The following SEC24A variants were observed in gnomAD, a reference collection of about 807,000 sequenced individuals.
SEC24A encodes the protein protein transport protein Sec24A.
A neutral mutation model predicts 129.4 loss-of-function variants in SEC24A; 93 were observed. That is an observed-to-expected ratio of 0.72 (90% CI 0.61 to 0.85). The LOEUF is 0.85. Among genes scored for constraint, SEC24A ranks in the 40% least tolerant of loss-of-function variants. SEC24A has a pLI of 0.00. For missense variants in SEC24A, 1,264 were observed against 1,307.4 expected (o/e 0.97, Z 0.51); for synonymous variants, 460 against 467.3 (o/e 0.98, Z 0.20).
chr5:134,655,181 C>T (rs1181677934), intron 1 of SEC24A, among the ~76,000 whole-genome samples: 1 of 152,070 alleles, frequency 6.6e-6, no homozygotes, highest in African/African-American at 2.4e-5. Flanking sequence ...CCTTTTGAAT[C>T]CTATGAAATA....
chr5:134,691,712 C>T (rs527367653), intron 11 of SEC24A, among the ~76,000 whole-genome samples: 2 of 152,082 alleles, frequency 1.3e-5, no homozygotes, highest in Admixed American at 6.6e-5. Context: ...CCACATTGCT[C>T]CTGACCTTGT....
chr5:134,708,939 C>A, intron 18 of SEC24A, 51 bp downstream of exon 18: 1 of 1,540,910 alleles, frequency 6.5e-7, no homozygotes, highest in South Asian at 1.2e-5. Context: ...GGCACTGTGG[C>A]CTACACCTGC....
chr5:134,655,762 T>A (rs969344650), intron 1 of SEC24A, among the ~76,000 whole-genome samples: 3 of 152,168 alleles, frequency 2.0e-5, no homozygotes, highest in Non-Finnish European at 2.9e-5. Flanking sequence ...CTGCATTTGA[T>A]ACCTTTGGCT....
At chr5:134,705,068 A>G (rs1040763753) in intron 16 of SEC24A, among the ~76,000 whole-genome samples, 3 of 123,596 alleles carry the variant, frequency 2.4e-5, no homozygotes, top group African/African-American at 9.2e-5. Context: ...TTATATTTAT[A>G]TTTATATATA....
chr5:134,692,803 C>T (rs756714732), intron 12 of SEC24A, 146 bp downstream of exon 12: 25 of 715,728 alleles, frequency 3.5e-5, no homozygotes, highest in Non-Finnish European at 5.9e-5. Context: ...ATTAGATGAA[C>T]AGCTCTTGAG....
chr5:134,652,952 AC>A, intron 1 of SEC24A, among the ~76,000 whole-genome samples: 1 of 147,288 alleles, frequency 6.8e-6, no homozygotes, highest in South Asian at 2.1e-4. Context: ...CCGCCACCAC[AC>A]CCGGCTAATT....
At chr5:134,693,026 C>G (rs1751709269) in intron 12 of SEC24A, 1 of 1,535,512 alleles carries the variant, frequency 6.5e-7, no homozygotes, top group African/African-American at 1.4e-5. Context: ...TTTTCTGATT[C>G]ACAGAGTGTC....
At position 134,726,451 on chromosome 5, in the gene SEC24A, T is replaced by C. The variant is rs1358716519; in HGVS notation, c.*1357T>C. The C allele has an allele frequency of 6.6e-6, 1 of 152,602 alleles. No homozygotes were observed. Among genetic ancestry groups the C allele is most frequent in the Non-Finnish European group, 1.5e-5 (1 of 67,992 alleles). The allele number at this position is 152,602 out of a possible 1,614,324, so 9.5% of individuals were successfully genotyped here. On this transcript the variant is annotated 3_prime_UTR_variant, in exon 23 of 23. Transcript: ENST00000398844. ...GAAAATGTTTACAATCTTGGTCTTA[T>C]ATGATCACCAATGGAATAGTAACTT...
At chr5:134,682,339 T>C in intron 8 of SEC24A, 34 bp from the exon 9 acceptor site, 1 of 1,143,684 alleles carries the variant, frequency 8.7e-7, no homozygotes, top group Non-Finnish European at 1.3e-6. Flanking sequence ...TTCTTTTCAG[T>C]TTTTTCAATA....
chr5:134,682,103 C>T (rs754356665), intron 8 of SEC24A, among the ~76,000 whole-genome samples: 1 of 151,868 alleles, frequency 6.6e-6, no homozygotes, highest in South Asian at 2.1e-4. Flanking sequence ...ATTAGCCGGG[C>T]GTGGTGGCGC....
At chr5:134,723,882 A>T (rs1752689762) in intron 22 of SEC24A, among the ~76,000 whole-genome samples, 1 of 152,236 alleles carries the variant, frequency 6.6e-6, no homozygotes, top group African/African-American at 2.4e-5. Flanking sequence ...GGGTACACTA[A>T]TTTATTGATA....
At chr5:134,709,219 CAA>C (rs150225547) in intron 18 of SEC24A, among the ~76,000 whole-genome samples, 2 of 151,754 alleles carry the variant, frequency 1.3e-5, no homozygotes, top group Non-Finnish European at 2.9e-5. Context: ...TCAAAATAAA[CAA>C]AAAGAAAGAA....
At chr5:134,683,491 T>C (rs1730331593) in intron 9 of SEC24A, among the ~76,000 whole-genome samples, 1 of 152,176 alleles carries the variant, frequency 6.6e-6, no homozygotes. Flanking sequence ...TAAAACTAAT[T>C]ACTATGCCTA....
At chr5:134,707,175 A>G (rs1157672795) in intron 17 of SEC24A, among the ~76,000 whole-genome samples, 1 of 152,132 alleles carries the variant, frequency 6.6e-6, no homozygotes. Flanking sequence ...TTCTGTCTGT[A>G]TCAGGAATAG....
chr5:134,692,468 T>A (rs1751690026), intron 11 of SEC24A, 134 bp from the exon 12 acceptor site: 1 of 578,750 alleles, frequency 1.7e-6, no homozygotes, highest in Non-Finnish European at 3.1e-6. Flanking sequence ...TGGACACATG[T>A]AAACAGTGCT....
Position 134,679,658 on chromosome 5 carries a change from C to A in SEC24A, c.1311C>A (p.Tyr437Ter). 1 of 1,601,882 alleles carries A rather than the reference C, an allele frequency of 6.2e-7. No homozygotes were observed. Among genetic ancestry groups the A allele is most frequent in the South Asian group, 1.1e-5 (1 of 89,988 alleles). The part of the protein sequence containing the change: ...TIVRCRSCRT[Y>*]INPFVSFLDQ... Reference sequence around the variant, plus strand: ...TGAGATGCCGTTCATGCAGGACGTACATCAATCCTTTCGTCAGCTTTCTTG... The same window carrying A: ...TGAGATGCCGTTCATGCAGGACGTAAATCAATCCTTTCGTCAGCTTTCTTG... The change falls in exon 8 of 23, where the codon TAC becomes TAA. Residue 437 changes from tyrosine to a stop codon, truncating the protein, a stop_gained. Coordinates refer to ENST00000398844, the MANE Select transcript of SEC24A (RefSeq NM_021982.3). LOFTEE classifies it high-confidence loss of function.
At chr5:134,694,414 C>T (rs957160951) in intron 13 of SEC24A, among the ~76,000 whole-genome samples, 19 of 152,038 alleles carry the variant, frequency 1.2e-4, no homozygotes, top group Non-Finnish European at 2.2e-4. Context: ...AATCCCAGCA[C>T]TTTGGGAGGC....
At chr5:134,724,444 C>T (rs1054014958) in intron 22 of SEC24A, among the ~76,000 whole-genome samples, 1 of 152,118 alleles carries the variant, frequency 6.6e-6, no homozygotes. Context: ...CAAAATTAGC[C>T]TGGCATGGTG....
chr5:134,698,595 C>CT (rs2150101154), intron 15 of SEC24A, among the ~76,000 whole-genome samples: 1 of 135,106 alleles, frequency 7.4e-6, no homozygotes, highest in South Asian at 2.3e-4. Context: ...GCAACACTGT[C>CT]TCCAAAAAAA....
Sources: allele counts gnomAD v4.1 joint callset (sites outside exome capture counted in the v4.1 genomes callset), GRCh38; gene constraint gnomAD v4.1.1; transcripts MANE v1.5; gene names NCBI Gene and HGNC (gene_info 2026-07-23, HGNC 2026-07-21).